The following GRK5 variants were observed in gnomAD, a reference collection of about 807,000 sequenced individuals.
GRK5 encodes G protein-coupled receptor kinase 5, also known as g protein-coupled receptor kinase GRK5.
Under a neutral mutation model 78.4 loss-of-function variants are expected in GRK5, and 40 were observed. The ratio of observed to expected loss-of-function variants is 0.51; its 90% confidence interval spans 0.40 to 0.66. The LOEUF (loss-of-function observed/expected upper bound fraction) is 0.66. Ranked by LOEUF, GRK5 falls within the 30% of genes least tolerant of loss-of-function variation. The pLI is 0.00. For missense variants in GRK5, 598 were observed against 759.9 expected, an observed-to-expected ratio of 0.79 and a Z score of 2.50; for synonymous variants, 289 against 296.8, an observed-to-expected ratio of 0.97 and a Z score of 0.27.
chr10:119,425,001 A>G lies in GRK5; in HGVS notation c.449A>G (p.His150Arg). Residue 150 changes from histidine to arginine, a missense_variant, in exon 6 of 16, where the codon CAC (histidine) becomes CGC (arginine). Transcript: ENST00000392870. ...TGTTCCATCTGCACTAGGTCTGTCCACGAGTACCTGAGGGGAGAACCATTC... is the reference window on the plus strand; with the variant it reads ...TGTTCCATCTGCACTAGGTCTGTCCGCGAGTACCTGAGGGGAGAACCATTC... ...ELFSACAQSV[H>R]EYLRGEPFHE... is the part of the protein sequence containing the mutation. 6.2e-7 allele frequency: 1 copy of G among 1,611,170 alleles called. No individual in the cohort carries two copies.
At chr10:119,283,871 C>T (rs1849804232) in intron 1 of GRK5, among the ~76,000 whole-genome samples, 2 of 152,168 alleles carry the variant, frequency 1.3e-5, no homozygotes, top group Admixed American at 1.3e-4. Flanking sequence ...CTTTGTGTCC[C>T]CAGAGCCTGG....
chr10:119,293,814 G>A (rs1850027927), intron 1 of GRK5, among the ~76,000 whole-genome samples: 1 of 152,186 alleles, frequency 6.6e-6, no homozygotes. Context: ...CGAGTCTGGA[G>A]TAGGAACAAT....
intron 6 of GRK5, among the ~76,000 whole-genome samples, chr10:119,426,937 C>T (rs961285926): frequency 3.4e-4 from 52 of 152,356 alleles, no homozygotes; most frequent in African/African-American, 1.2e-3. Context: ...ATCAATATCC[C>T]ACCACCATCA....
chr10:119,292,046 CCTT>C (rs1385784622), intron 1 of GRK5, among the ~76,000 whole-genome samples: 4 of 127,160 alleles, frequency 3.1e-5, no homozygotes, highest in Non-Finnish European at 5.0e-5. Flanking sequence ...TCCTCTTCCT[CCTT>C]CTCCTCCTCC....
At chr10:119,226,284 TCTTTTTC>T (rs1848738845) in intron 1 of GRK5, among the ~76,000 whole-genome samples, 2 of 150,172 alleles carry the variant, frequency 1.3e-5, no homozygotes, top group Admixed American at 6.6e-5. Context: ...GGCATCTTCT[TCTTTTTC>T]TTTTTTTTTT....
At chr10:119,333,895 A>G (rs1250648937) in intron 2 of GRK5, 1 of 522,004 alleles carries the variant, frequency 1.9e-6, no homozygotes, top group Non-Finnish European at 3.9e-6. Context: ...TGAGCTGCAG[A>G]ACCAAGGCAA....
chr10:119,425,277 A>ACC (rs1397585584), intron 6 of GRK5, among the ~76,000 whole-genome samples, 192 bp downstream of exon 6: 3 of 125,268 alleles, frequency 2.4e-5, no homozygotes, highest in Non-Finnish European at 3.7e-5. Context: ...ATACACACAC[A>ACC]CACACACACA....
intron 1 of GRK5, among the ~76,000 whole-genome samples, chr10:119,223,718 T>A (rs1463057187): frequency 6.7e-6 from 1 of 148,234 alleles, no homozygotes; most frequent in African/African-American, 2.5e-5. Flanking sequence ...ATATATATAT[T>A]ATATATATCT....
intron 1 of GRK5, among the ~76,000 whole-genome samples, chr10:119,227,884 G>A (rs1231963463): frequency 1.3e-5 from 2 of 152,064 alleles, no homozygotes; most frequent in Non-Finnish European, 2.9e-5. Flanking sequence ...TTTGTCTCAA[G>A]AACATTTTGG....
Position 119,443,528 on chromosome 10 carries a change from T to G in GRK5, c.1058-16T>G, listed in dbSNP as rs776629422. On this transcript the variant is annotated splice_polypyrimidine_tract_variant and intron_variant, in intron 11 of 15. Coordinates refer to ENST00000392870, the MANE Select transcript of GRK5 (RefSeq NM_005308.3). ...CTCCCTCCTCCTCACTCCTCTCTCC[T>G]CTCCTCTGCCCCCAGCTCCAGAGGT... The G allele has an allele frequency of 6.3e-7, 1 of 1,593,054 alleles. No homozygotes were observed. The highest frequency in any genetic ancestry group is 8.6e-7 in the Non-Finnish European group (1 of 1,163,038).
At position 119,439,215 on chromosome 10, in the gene GRK5, C is replaced by T. The variant is rs144692011; in HGVS notation, c.930-516C>T. The stretch of plus-strand genomic sequence containing the variant: ...AGGCAGCCACACCTATGCCATGCCC[C>T]GTAGCTGTTCTTTCTCCCAGGCTGT... On this transcript the variant is annotated intron_variant, in intron 9 of 15. Coordinates refer to ENST00000392870, the MANE Select transcript of GRK5 (RefSeq NM_005308.3). Among the ~76,000 whole-genome samples the T allele has an allele frequency of 4.8e-3, 728 of 152,382 alleles. 6 individuals carry two copies. The highest frequency in any genetic ancestry group is 0.017 in the African/African-American group (690 of 41,592).
At chr10:119,371,435 T>A (rs903454325) in intron 2 of GRK5, among the ~76,000 whole-genome samples, 1 of 152,262 alleles carries the variant, frequency 6.6e-6, no homozygotes, top group African/African-American at 2.4e-5. Context: ...TCGAAAAGAA[T>A]GAAAACAGTG....
At chr10:119,268,717 T>C (rs1489980732) in intron 1 of GRK5, among the ~76,000 whole-genome samples, 2 of 152,222 alleles carry the variant, frequency 1.3e-5, no homozygotes, top group Admixed American at 6.5e-5. Context: ...CTGTCCCCAA[T>C]GTCATCACTA....
At position 119,445,923 on chromosome 10, in the gene GRK5, T is replaced by A. The variant is rs199956305; in HGVS notation, c.1266+2171T>A. On this transcript the variant is annotated intron_variant, in intron 12 of 15. Coordinates refer to ENST00000392870, the MANE Select transcript of GRK5 (RefSeq NM_005308.3). The surrounding 1 kb of genome is among the most constrained non-coding windows in gnomAD (Gnocchi z 4.1). Reference sequence around the variant, plus strand: ...TAGCAGCCGCAGAACCCACTCCCCCTCCTCTGGAGCCCAGAAATTCACACA... The same window carrying A: ...TAGCAGCCGCAGAACCCACTCCCCCACCTCTGGAGCCCAGAAATTCACACA... Among the ~76,000 whole-genome samples, 4 of 128,398 alleles carry A rather than the reference T, an allele frequency of 3.1e-5. No individual in the cohort carries two copies. The East Asian group carries it at 1.5e-3, about 47-fold the overall frequency. 84.2% of individuals were successfully genotyped at this position (128,398 alleles called of 152,430 possible).
intron 1 of GRK5, among the ~76,000 whole-genome samples, chr10:119,311,506 G>A (rs1850358808): frequency 6.6e-6 from 1 of 152,178 alleles, no homozygotes; most frequent in African/African-American, 2.4e-5. Context: ...GCGAGTAGAG[G>A]CCTAGCTTGG....
In GRK5 at chr10:119,253,034, A is replaced by G. The variant is rs916471246; in HGVS notation, c.52+45065A>G. Among the ~76,000 whole-genome samples, 2 of 152,130 alleles carry G rather than the reference A, an allele frequency of 1.3e-5. No individual in the cohort carries two copies. The highest frequency in any genetic ancestry group is 6.5e-5 in the Admixed American group (1 of 15,270). On this transcript the variant is annotated intron_variant, in intron 1 of 15. Transcript: ENST00000392870. This position sits in a 1 kb window ranked among gnomAD's most constrained non-coding sequence, Gnocchi z 5.7. ...GGACTACAGAGGATCCCCTAGCCAC[A>G]CTGGAGAGGGGACAGTGCCCTGGTT...
chr10:119,295,989 G>A (rs1445175565), intron 1 of GRK5, among the ~76,000 whole-genome samples: 1 of 152,088 alleles, frequency 6.6e-6, no homozygotes, highest in Non-Finnish European at 1.5e-5. Flanking sequence ...GGATGATTTG[G>A]GCTTCAAGAA....
chr10:119,449,138 T>C (rs1853221115), intron 13 of GRK5, among the ~76,000 whole-genome samples: 1 of 152,176 alleles, frequency 6.6e-6, no homozygotes, highest in African/African-American at 2.4e-5. Flanking sequence ...CATGTGCACC[T>C]CTCTTCCCAA....
chr10:119,218,003 C>A (rs1271531297), intron 1 of GRK5, among the ~76,000 whole-genome samples: 1 of 152,152 alleles, frequency 6.6e-6, no homozygotes, highest in Non-Finnish European at 1.5e-5. Flanking sequence ...GAAAAGCTCT[C>A]TCCGGATGAC....
Sources: gnomAD v4.1 joint callset for allele counts (sites outside exome capture counted in the v4.1 genomes callset) on GRCh38, gnomAD v4.1.1 for gene constraint, Gnocchi (gnomAD v3.1) non-coding constraint, MANE v1.5 for transcripts, NCBI Gene and HGNC (gene_info 2026-07-23, HGNC 2026-07-21) for gene names.